Variants in COG6 observed in about 807,000 individuals in gnomAD.
The protein encoded by COG6 is conserved oligomeric Golgi complex subunit 6.
A neutral mutation model predicts 88.8 loss-of-function variants in COG6; 74 were observed. That is an observed-to-expected ratio of 0.83 (90% CI 0.69 to 1.01). The LOEUF (loss-of-function observed/expected upper bound fraction) is 1.01. COG6 is among the 50% of genes least tolerant of loss of function. The pLI, the probability that COG6 is intolerant of heterozygous loss-of-function variation, is 0.00. For missense variants in COG6, 800 were observed against 797.9 expected (o/e 1.00, Z -0.03); for synonymous variants, 286 against 278.7 (o/e 1.03, Z -0.26).
At chr13:39,725,833 A>G (rs772789378) in intron 17 of COG6, among the ~76,000 whole-genome samples, 1 of 151,914 alleles carries the variant, frequency 6.6e-6, no homozygotes, top group Non-Finnish European at 1.5e-5. Flanking sequence ...TTACCATACT[A>G]TCCAGTACAA....
chr13:39,695,664 C>A (rs1288247113), intron 12 of COG6, among the ~76,000 whole-genome samples: 1 of 151,534 alleles, frequency 6.6e-6, no homozygotes. Flanking sequence ...GAGTAGCCAC[C>A]CAGAACTTAA....
chr13:39,695,669 A>G (rs1377172995), intron 12 of COG6, among the ~76,000 whole-genome samples: 1 of 151,794 alleles, frequency 6.6e-6, no homozygotes, highest in African/African-American at 2.4e-5. Context: ...GCCACCCAGA[A>G]CTTAACAGCT....
Position 39,751,445 on chromosome 13 carries a change from T to G in COG6, c.*352T>G, listed in dbSNP as rs765226879. The stretch of plus-strand genomic sequence containing the variant: ...TCTAAATTAACAGCTTATAAAAAAT[T>G]TGTCTAAATTTAATAATTAGTATAA... On this transcript the variant is annotated 3_prime_UTR_variant, in exon 19 of 19. Transcript: ENST00000455146. 11 of 1,262,100 alleles carry G rather than the reference T, an allele frequency of 8.7e-6. No individual in the cohort carries two copies. The allele number at this position is 1,262,100 out of a possible 1,614,324, so 78.2% of individuals were successfully genotyped here.
intron 13 of COG6, among the ~76,000 whole-genome samples, chr13:39,713,374 C>G (rs1831817424): frequency 6.6e-6 from 1 of 152,272 alleles, no homozygotes; most frequent in East Asian, 1.9e-4. Flanking sequence ...TAAAGAGGGT[C>G]TCTTCCCTAA....
intron 13 of COG6, among the ~76,000 whole-genome samples, chr13:39,701,324 G>A (rs1187100412): frequency 2.0e-5 from 3 of 151,804 alleles, no homozygotes; most frequent in Non-Finnish European, 4.4e-5. Flanking sequence ...AGTTTGAGGT[G>A]CCTATGAGAG....
At chr13:39,764,731 T>C (rs1881116517) in intron 18 of COG6, among the ~76,000 whole-genome samples, 1 of 152,104 alleles carries the variant, frequency 6.6e-6, no homozygotes, top group Non-Finnish European at 1.5e-5. Flanking sequence ...GAAAATGTAT[T>C]CCTAGTATCA....
chr13:39,670,619 C>T (rs888246278), intron 4 of COG6, among the ~76,000 whole-genome samples: 2 of 152,038 alleles, frequency 1.3e-5, no homozygotes, highest in African/African-American at 2.4e-5. Flanking sequence ...TTGCTGAAGA[C>T]ACTGCATGGC....
At chr13:39,768,992 G>A (rs1377437035) in intron 18 of COG6, among the ~76,000 whole-genome samples, 1 of 151,900 alleles carries the variant, frequency 6.6e-6, no homozygotes, top group Non-Finnish European at 1.5e-5. Flanking sequence ...TATTCTGTAG[G>A]TAGCCTTCTG....
rs778376901 is a variant in COG6, at chr13:39,727,486, T to C, written c.1764T>C (p.Tyr588=). The change falls in exon 18 of 19, where the codon TAT becomes TAC. Residue 588 remains tyrosine, a synonymous_variant. Transcript: ENST00000455146. ...LKAAMVQFDR[Y]LSAPDNLLIP... ...TCATTTAGGTTCAGTTTGATCGTTA[T>C]CTGTCAGCCCCAGACAACCTATTGA... The C allele has an allele frequency of 6.8e-6, 11 of 1,612,890 alleles. No homozygotes were observed. Among genetic ancestry groups the C allele is most frequent in the Admixed American group, 6.7e-5 (4 of 60,004 alleles).
chr13:39,728,592 T>G (rs1397426056), intron 18 of COG6, among the ~76,000 whole-genome samples: 1 of 152,104 alleles, frequency 6.6e-6, no homozygotes, highest in African/African-American at 2.4e-5. Context: ...GATATTATAC[T>G]ATTTACATAA....
At chr13:39,694,188 A>T (rs1405373453) in intron 11 of COG6, among the ~76,000 whole-genome samples, 3 of 151,824 alleles carry the variant, frequency 2.0e-5, no homozygotes, top group African/African-American at 4.8e-5. Context: ...CTATTCTTTG[A>T]TTAATAGACA....
rs1412793509 is a variant in COG6, at chr13:39,664,961, C to T, written c.370-135C>T. On this transcript the variant is annotated intron_variant, in intron 3 of 18. Transcript: ENST00000455146. The stretch of plus-strand genomic sequence containing the variant: ...TGAGCCTTGAAACATCTACGTATTT[C>T]ATTTTATTGTGCTTTTGAGTTCCAT... 3 of 627,882 alleles carry T rather than the reference C, an allele frequency of 4.8e-6. No individual in the cohort carries two copies. The African/African-American group carries it at 5.6e-5, about 12-fold the overall frequency. 38.9% of individuals were successfully genotyped at this position (627,882 alleles called of 1,614,324 possible).
At chr13:39,718,731 A>G (rs1209386030) in intron 13 of COG6, among the ~76,000 whole-genome samples, 1 of 152,042 alleles carries the variant, frequency 6.6e-6, no homozygotes, top group African/African-American at 2.4e-5. Flanking sequence ...AAAATGTGGG[A>G]CCCATGGGTT....
chr13:39,746,854 A>G (rs954741914), intron 18 of COG6, among the ~76,000 whole-genome samples: 1 of 152,206 alleles, frequency 6.6e-6, no homozygotes, highest in African/African-American at 2.4e-5. Context: ...TTATATACAA[A>G]TAACTGATAC....
At chr13:39,746,613 A>T (rs962569165) in intron 18 of COG6, among the ~76,000 whole-genome samples, 1 of 152,186 alleles carries the variant, frequency 6.6e-6, no homozygotes, top group Non-Finnish European at 1.5e-5. Flanking sequence ...TACTATAATG[A>T]TTCATTATTG....
chr13:39,748,942 T>A (rs1880481323), intron 18 of COG6, among the ~76,000 whole-genome samples: 1 of 152,192 alleles, frequency 6.6e-6, no homozygotes, highest in Non-Finnish European at 1.5e-5. Context: ...ATGCATATAT[T>A]TCCACAGATA....
intron 7 of COG6, among the ~76,000 whole-genome samples, chr13:39,681,876 A>G (rs1173823571): frequency 6.6e-6 from 1 of 152,022 alleles, no homozygotes; most frequent in African/African-American, 2.4e-5. Context: ...ATTAGGAAAT[A>G]CTTGTTCACT....
intron 3 of COG6, among the ~76,000 whole-genome samples, chr13:39,663,671 G>T (rs1035185107): frequency 6.6e-6 from 1 of 152,110 alleles, no homozygotes; most frequent in African/African-American, 2.4e-5. Flanking sequence ...GGCTGAGGCA[G>T]AATGATCCTT....
rs543350136 is a variant in COG6, at chr13:39,702,008, T to C, written c.1284+2390T>C. Among the ~76,000 whole-genome samples the C allele has an allele frequency of 1.3e-3, 191 of 152,066 alleles. 1 individual carries two copies. Among genetic ancestry groups the C allele is most frequent in the Admixed American group, 2.2e-3 (33 of 15,248 alleles). On this transcript the variant is annotated intron_variant, in intron 13 of 18. Transcript: ENST00000455146. Reference sequence around the variant, plus strand: ...ATCAAGAAAAAAAGAAAATTAGAAGTTTTTAGAAATTAGAGACAATCCACA... The same window carrying C: ...ATCAAGAAAAAAAGAAAATTAGAAGCTTTTAGAAATTAGAGACAATCCACA...
Sources: gnomAD v4.1 joint callset for allele counts (sites outside exome capture counted in the v4.1 genomes callset) on GRCh38, gnomAD v4.1.1 for gene constraint, MANE v1.5 for transcripts, NCBI Gene and HGNC (gene_info 2026-07-23, HGNC 2026-07-21) for gene names.